The following RUNX2 variants were observed in gnomAD, a reference collection of about 807,000 sequenced individuals.
RUNX2 encodes RUNX family transcription factor 2.
In RUNX2, 10 loss-of-function variants were observed where a neutral mutation model predicts 51.7. The ratio of observed to expected loss-of-function variants is 0.19; its 90% CI spans 0.12 to 0.33. RUNX2 has a LOEUF of 0.33. RUNX2 is among the 10% of genes least tolerant of loss of function. The pLI, the probability that RUNX2 is intolerant of heterozygous loss-of-function variation, is 1.00. For synonymous variants in RUNX2, 276 were observed against 273.6 expected (o/e 1.01, Z -0.09); for missense variants, 562 against 691.3 (o/e 0.81, Z 2.10).
intron 2 of RUNX2, among the ~76,000 whole-genome samples, chr6:45,379,737 G>A (rs1424080568): frequency 6.6e-6 from 1 of 152,072 alleles, no homozygotes; most frequent in East Asian, 1.9e-4. Context: ...GTGGTGGCAC[G>A]TGCCTGTAGT....
chr6:45,405,660 G>A (rs561392653), intron 2 of RUNX2, among the ~76,000 whole-genome samples: 187 of 152,182 alleles, frequency 1.2e-3, no homozygotes, highest in Middle Eastern at 6.8e-3. Context: ...GGTGGTGGGC[G>A]CCTGTAATCT....
chr6:45,475,226 C>A (rs1799924981), intron 5 of RUNX2, among the ~76,000 whole-genome samples: 1 of 151,514 alleles, frequency 6.6e-6, no homozygotes, highest in Non-Finnish European at 1.5e-5. Flanking sequence ...TGAGAAAGGG[C>A]ATAAGAAAGT....
chr6:45,530,941 TTAGA>T (rs1296764479), intron 7 of RUNX2, among the ~76,000 whole-genome samples: 1 of 152,228 alleles, frequency 6.6e-6, no homozygotes, highest in African/African-American at 2.4e-5. Context: ...TTAATAATAC[TTAGA>T]TAGTGCTTTA....
chr6:45,464,047 G>A (rs948999755), intron 5 of RUNX2, among the ~76,000 whole-genome samples: 2 of 152,254 alleles, frequency 1.3e-5, no homozygotes, highest in South Asian at 2.1e-4. Flanking sequence ...CAAAAAATTA[G>A]CCAGGCGTGG....
chr6:45,366,064 AAGT>A lies in RUNX2; in HGVS notation c.58+37283_58+37285del, dbSNP rs1795084477. Among the ~76,000 whole-genome samples the A allele has an allele frequency of 2.0e-5, 3 of 152,262 alleles. No individual in the cohort carries two copies. In the South Asian group the frequency reaches 6.2e-4, roughly 32 times the overall value. ...AAGTAACATTAAAATAATGTCATGA[AAGT>A]AGGTAAACCCTCATCTATTACACTA... On this transcript the variant is annotated intron_variant, in intron 2 of 8. Transcript: ENST00000647337.
chr6:45,364,568 A>G (rs6932926), intron 2 of RUNX2, among the ~76,000 whole-genome samples: 19,800 of 152,212 alleles, frequency 0.13, 1,534 homozygotes, highest in East Asian at 0.26. Context: ...GACATTTCTA[A>G]TAAATATGCT....
At chr6:45,348,533 G>C (rs1791374478) in intron 2 of RUNX2, among the ~76,000 whole-genome samples, 2 of 85,374 alleles carry the variant, frequency 2.3e-5, no homozygotes, top group South Asian at 7.1e-4. Context: ...AAGTTATCCA[G>C]GTATGGTGGC....
intron 5 of RUNX2, among the ~76,000 whole-genome samples, chr6:45,489,917 C>G (rs941612303): frequency 2.0e-5 from 3 of 152,194 alleles, no homozygotes; most frequent in African/African-American, 7.2e-5. Flanking sequence ...CCAGCCTTGG[C>G]ACCTCACTGG....
In RUNX2 at chr6:45,548,704, TAGTC is replaced by T. The variant is rs767029587; in HGVS notation, c.*1402_*1405del. ...ATCGCCAGGCTTCATAGCAAAGACATAGTCAGCTAAAAGCCGCACATGTGGATAG... is the reference window on the plus strand; with the variant it reads ...ATCGCCAGGCTTCATAGCAAAGACATAGCTAAAAGCCGCACATGTGGATAG... On this transcript the variant is annotated 3_prime_UTR_variant, in exon 9 of 9. Coordinates refer to ENST00000647337, the MANE Select transcript of RUNX2 (RefSeq NM_001024630.4). 2.7e-4 allele frequency: 43 copies of T among 157,182 alleles called. No homozygotes were observed. The highest frequency in any genetic ancestry group is 5.2e-4 in the Non-Finnish European group (37 of 71,284). 9.7% of individuals were successfully genotyped at this position (157,182 alleles called of 1,614,324 possible).
rs747034128 is a variant in RUNX2 at position 45,512,199 on chromosome 6, G to T, written c.860-47G>T. ...GAGTTTTGGGTTGCATGTTTCTAAGGCTGCAATGGTTGCTATACTAAAGAT... is the reference window on the plus strand; with the variant it reads ...GAGTTTTGGGTTGCATGTTTCTAAGTCTGCAATGGTTGCTATACTAAAGAT... On this transcript the variant is annotated intron_variant, in intron 6 of 8. Coordinates refer to ENST00000647337, the MANE Select transcript of RUNX2 (RefSeq NM_001024630.4). 11 of 1,597,472 alleles carry T rather than the reference G, an allele frequency of 6.9e-6. No individual in the cohort carries two copies. In the South Asian group the frequency reaches 9.9e-5, roughly 14 times the overall value.
At chr6:45,435,865 C>G (rs545387594) in intron 4 of RUNX2, among the ~76,000 whole-genome samples, 7 of 152,312 alleles carry the variant, frequency 4.6e-5, no homozygotes, top group Admixed American at 3.9e-4. Context: ...AATTAACTTT[C>G]AATCTAGAGA....
chr6:45,407,189 C>T (rs182274039), intron 2 of RUNX2, among the ~76,000 whole-genome samples: 91 of 151,628 alleles, frequency 6.0e-4, no homozygotes, highest in Non-Finnish European at 1.2e-3. Flanking sequence ...CTGCAACCTC[C>T]GCCTCCCGGG....
At chr6:45,462,293 C>A (rs145572759) in intron 5 of RUNX2, among the ~76,000 whole-genome samples, 2 of 152,090 alleles carry the variant, frequency 1.3e-5, no homozygotes, top group South Asian at 2.1e-4. Context: ...AAGAAGGGGG[C>A]GGCATTGGTA....
At chr6:45,538,754 C>G (rs1423796539) in intron 7 of RUNX2, among the ~76,000 whole-genome samples, 1 of 151,748 alleles carries the variant, frequency 6.6e-6, no homozygotes, top group Admixed American at 6.6e-5. Flanking sequence ...AACTGATTCT[C>G]TGAAAGTGTT....
chr6:45,436,429 T>C (rs1798687636), intron 4 of RUNX2, among the ~76,000 whole-genome samples: 1 of 152,152 alleles, frequency 6.6e-6, no homozygotes, highest in Non-Finnish European at 1.5e-5. Context: ...ATTTGTGCAA[T>C]GGGGGTGAGA....
At chr6:45,453,781 C>T (rs2150381681) in intron 5 of RUNX2, among the ~76,000 whole-genome samples, 1 of 152,312 alleles carries the variant, frequency 6.6e-6, no homozygotes, top group South Asian at 2.1e-4. Context: ...CCCACATTGA[C>T]TCTCTTTGGG....
intron 2 of RUNX2, among the ~76,000 whole-genome samples, chr6:45,405,093 C>A (rs1797803545): frequency 6.6e-6 from 1 of 152,198 alleles, no homozygotes; most frequent in South Asian, 2.1e-4. Flanking sequence ...CCTTTTCATC[C>A]ATGCAAATTC....
chr6:45,464,114 A>G (rs1438274865), intron 5 of RUNX2, among the ~76,000 whole-genome samples: 2 of 151,880 alleles, frequency 1.3e-5, no homozygotes, highest in Non-Finnish European at 2.9e-5. Flanking sequence ...AATGGCGTGA[A>G]CCCGGGAGGT....
At chr6:45,541,606 T>C (rs1426726257) in intron 7 of RUNX2, among the ~76,000 whole-genome samples, 1 of 152,270 alleles carries the variant, frequency 6.6e-6, no homozygotes, top group Admixed American at 6.5e-5. Context: ...ACCTCATTGC[T>C]GAGAAGTACA....
Sources: gnomAD v4.1 joint callset for allele counts (sites outside exome capture counted in the v4.1 genomes callset) on GRCh38, gnomAD v4.1.1 for gene constraint, MANE v1.5 for transcripts, NCBI Gene and HGNC (gene_info 2026-07-23, HGNC 2026-07-21) for gene names.